The following KANSL1 variants were observed in gnomAD, a reference collection of about 807,000 sequenced individuals.
KANSL1 encodes MLL1/MLL complex subunit KANSL1.
In KANSL1, 22 loss-of-function variants were observed where a neutral mutation model predicts 103.6. That is an observed-to-expected ratio of 0.21 (90% CI 0.15 to 0.30). The LOEUF (loss-of-function observed/expected upper bound fraction) is 0.30, where lower values mean the gene tolerates loss of function less well. Ranked by LOEUF, KANSL1 falls within the 10% of genes least tolerant of loss-of-function variation. The pLI, the probability that KANSL1 is intolerant of heterozygous loss-of-function variation, is 1.00. For missense variants in KANSL1, 1,337 were observed against 1,399.8 expected (o/e 0.96, Z 0.72); for synonymous variants, 600 against 527.6 (o/e 1.14, Z -1.88).
At chr17:46,046,634 A>C (rs1388501098) in intron 7 of KANSL1, among the ~76,000 whole-genome samples, 1 of 150,890 alleles carries the variant, frequency 6.6e-6, no homozygotes, top group African/African-American at 2.4e-5. Context: ...TCAGGAGTTC[A>C]AGACCCTCCT....
intron 1 of KANSL1, among the ~76,000 whole-genome samples, chr17:46,202,743 CTTTT>C (rs1261430393): frequency 2.0e-5 from 3 of 152,198 alleles, no homozygotes; most frequent in African/African-American, 7.2e-5. Flanking sequence ...CAACTGCAAT[CTTTT>C]TTGTTTCTGA....
intron 3 of KANSL1, chr17:46,093,575 C>T (rs1268467463): frequency 2.0e-5 from 3 of 152,522 alleles, no homozygotes; most frequent in Admixed American, 1.3e-4. Context: ...ATTAGATAGC[C>T]CACAGAACTT....
chr17:46,211,520 T>C (rs571923594), intron 1 of KANSL1, among the ~76,000 whole-genome samples: 1 of 152,372 alleles, frequency 6.6e-6, no homozygotes, highest in African/African-American at 2.4e-5. Context: ...TTGCTGTAAA[T>C]AGAACATATT....
intron 5 of KANSL1, among the ~76,000 whole-genome samples, 155 bp from the exon 6 acceptor site, chr17:46,066,887 C>T (rs1441382213): frequency 6.6e-6 from 1 of 152,234 alleles, no homozygotes; most frequent in Non-Finnish European, 1.5e-5. Context: ...AGAAGCAGGT[C>T]TCCTCTTGAT....
chr17:46,067,488 A>C, intron 5 of KANSL1, 61 bp downstream of exon 5: 1 of 1,010,720 alleles, frequency 9.9e-7, no homozygotes, highest in Non-Finnish European at 1.6e-6. Flanking sequence ...AAGAGAACTA[A>C]GAGCTCCAAA....
At chr17:46,177,801 G>A (rs573116646) in intron 1 of KANSL1, among the ~76,000 whole-genome samples, 4 of 151,002 alleles carry the variant, frequency 2.6e-5, no homozygotes, top group Non-Finnish European at 5.9e-5. Context: ...TTTAAGAGAT[G>A]GAGTCTCGCT....
intron 4 of KANSL1, among the ~76,000 whole-genome samples, chr17:46,068,553 A>C (rs543927156): frequency 6.6e-6 from 1 of 152,312 alleles, no homozygotes; most frequent in African/African-American, 2.4e-5. Flanking sequence ...TGGGTGACAG[A>C]GTGAGACCCT....
intron 6 of KANSL1, among the ~76,000 whole-genome samples, chr17:46,053,625 A>G (rs929120602): frequency 1.3e-5 from 2 of 152,046 alleles, no homozygotes; most frequent in Non-Finnish European, 2.9e-5. Flanking sequence ...TAGTAGAGAC[A>G]GGGTTTCACC....
chr17:46,096,317 T>C (rs868465962), intron 2 of KANSL1, among the ~76,000 whole-genome samples: 82 of 133,388 alleles, frequency 6.1e-4, no homozygotes, highest in South Asian at 2.5e-3. Context: ...TTTTCTTTTT[T>C]TTTTTTTTTT....
At chr17:46,105,071 C>T (rs1486126448) in intron 2 of KANSL1, among the ~76,000 whole-genome samples, 1 of 152,152 alleles carries the variant, frequency 6.6e-6, no homozygotes. Flanking sequence ...CCTCGGCTTC[C>T]CAAAGTGCTG....
At chr17:46,218,047 CAG>C (rs2048396183) in intron 1 of KANSL1, among the ~76,000 whole-genome samples, 1 of 152,152 alleles carries the variant, frequency 6.6e-6, no homozygotes, top group Non-Finnish European at 1.5e-5. Flanking sequence ...GAAATACACA[CAG>C]GGAGAACTCT....
intron 1 of KANSL1, among the ~76,000 whole-genome samples, chr17:46,199,117 A>G (rs2047710572): frequency 6.6e-6 from 1 of 152,264 alleles, no homozygotes; most frequent in African/African-American, 2.4e-5. Flanking sequence ...AAAATTTAGG[A>G]TGTAGAAGGA....
chr17:46,188,885 T>C (rs1389772117), intron 1 of KANSL1, among the ~76,000 whole-genome samples: 3 of 151,602 alleles, frequency 2.0e-5, no homozygotes, highest in African/African-American at 4.9e-5. Context: ...AGAAAAAAAT[T>C]AGCCAGGCGT....
intron 2 of KANSL1, among the ~76,000 whole-genome samples, chr17:46,128,506 A>G (rs901536561): frequency 6.6e-6 from 1 of 152,244 alleles, no homozygotes; most frequent in African/African-American, 2.4e-5. Context: ...GACAAGTGTT[A>G]TAAAGAAAAA....
intron 6 of KANSL1, among the ~76,000 whole-genome samples, chr17:46,062,110 C>CAAA (rs1568403365): frequency 3.6e-4 from 8 of 22,252 alleles, no homozygotes; most frequent in African/African-American, 9.0e-4. Flanking sequence ...AAAAAAAAAA[C>CAAA]AAACAAACAA....
intron 4 of KANSL1, among the ~76,000 whole-genome samples, chr17:46,071,264 CAGAA>C (rs2078567700): frequency 1.3e-5 from 2 of 152,078 alleles, no homozygotes; most frequent in South Asian, 4.1e-4. Flanking sequence ...GCATAAACAT[CAGAA>C]AGGGACTGTG....
intron 4 of KANSL1, among the ~76,000 whole-genome samples, chr17:46,073,005 TGTCA>T (rs1473772465): frequency 6.6e-6 from 1 of 152,216 alleles, no homozygotes; most frequent in African/African-American, 2.4e-5. Context: ...AGACCTAACT[TGTCA>T]GTGTTTTCTA....
At chr17:46,201,786 C>T (rs1365767019) in intron 1 of KANSL1, among the ~76,000 whole-genome samples, 2 of 152,020 alleles carry the variant, frequency 1.3e-5, no homozygotes, top group African/African-American at 4.8e-5. Context: ...GCAGGTGAAT[C>T]ACTTGAGCTC....
intron 2 of KANSL1, among the ~76,000 whole-genome samples, chr17:46,139,600 G>GC (rs112542080): frequency 0.14 from 21,954 of 152,188 alleles, 2,138 homozygotes; most frequent in Non-Finnish European, 0.22. Context: ...TCTACTTCTT[G>GC]TTTTAACCAA....
Sources: allele counts gnomAD v4.1 joint callset (sites outside exome capture counted in the v4.1 genomes callset), GRCh38; gene constraint gnomAD v4.1.1; transcripts MANE v1.5; gene names NCBI Gene and HGNC (gene_info 2026-07-23, HGNC 2026-07-21).